Variants in ADGRB1 observed in about 807,000 individuals in gnomAD.
The protein encoded by ADGRB1 is brain-specific angiogenesis inhibitor 1.
A neutral mutation model predicts 175.7 loss-of-function variants in ADGRB1; 36 were observed. That is an observed-to-expected ratio of 0.20 (90% confidence interval 0.16 to 0.27). The LOEUF (loss-of-function observed/expected upper bound fraction) is 0.27. ADGRB1 is among the 10% of genes least tolerant of loss of function. The pLI is 1.00. For missense variants in ADGRB1, 1,731 were observed against 2,255.3 expected (o/e 0.77, Z 4.71); for synonymous variants, 1,054 against 979.4 (o/e 1.08, Z -1.42).
chr8:142,541,799 C>T (rs924149279), intron 27 of ADGRB1, 142 bp from the exon 28 acceptor site: 40 of 884,744 alleles, frequency 4.5e-5, no homozygotes, highest in South Asian at 8.8e-5. Flanking sequence ...GCCCTCCGAT[C>T]GGTACCCAGC....
chr8:142,463,010 G>A (rs1251912453), intron 1 of ADGRB1, among the ~76,000 whole-genome samples: 1 of 152,200 alleles, frequency 6.6e-6, no homozygotes, highest in East Asian at 1.9e-4. Context: ...TCTCCTGGTG[G>A]CACAAATTTA....
intron 2 of ADGRB1, among the ~76,000 whole-genome samples, chr8:142,469,394 T>C (rs939781836): frequency 6.7e-6 from 1 of 150,258 alleles, no homozygotes; most frequent in Non-Finnish European, 1.5e-5. Flanking sequence ...AGTGTGTATG[T>C]GCACATGCAG....
At chr8:142,498,962 C>G (rs1563714756) in intron 17 of ADGRB1, among the ~76,000 whole-genome samples, 2 of 152,172 alleles carry the variant, frequency 1.3e-5, no homozygotes, top group Non-Finnish European at 2.9e-5. Context: ...CCTCTCTCTC[C>G]CTCTCTTGGG....
rs1252662454 is a variant in ADGRB1 at position 142,474,561 on chromosome 8, C to T, written c.785-913C>T. Among the ~76,000 whole-genome samples the T allele has an allele frequency of 2.0e-5, 3 of 152,188 alleles. No homozygotes were observed. The highest frequency in any genetic ancestry group is 4.4e-5 in the Non-Finnish European group (3 of 68,030). On this transcript the variant is annotated intron_variant, in intron 2 of 30. Coordinates refer to ENST00000517894, the MANE Select transcript of ADGRB1 (RefSeq NM_001702.3). This position sits in a 1 kb window ranked among gnomAD's most constrained non-coding sequence, Gnocchi z 5.8. Reference sequence around the variant, plus strand: ...CTGGCCCACAGATGGCAGTGGCCCTCTCCTGCTTTGTGCTCCTCCATGGCT... The same window carrying T: ...CTGGCCCACAGATGGCAGTGGCCCTTTCCTGCTTTGTGCTCCTCCATGGCT...
chr8:142,518,477 TG>T (rs1253304986), intron 19 of ADGRB1, among the ~76,000 whole-genome samples: 1 of 152,134 alleles, frequency 6.6e-6, no homozygotes, highest in African/African-American at 2.4e-5. Flanking sequence ...ACACAGGGGG[TG>T]GGGCCTGGTT....
intron 2 of ADGRB1, among the ~76,000 whole-genome samples, chr8:142,469,976 T>C (rs1840561882): frequency 6.6e-6 from 1 of 152,192 alleles, no homozygotes; most frequent in Admixed American, 6.5e-5. Flanking sequence ...CATCCGTCCA[T>C]GTCCCTAGCA....
intron 18 of ADGRB1, among the ~76,000 whole-genome samples, chr8:142,517,013 C>T (rs2132086785): frequency 1.3e-5 from 2 of 152,274 alleles, no homozygotes; most frequent in Middle Eastern, 3.4e-3. Context: ...TGTGGCCGGC[C>T]CAGGCCCTTT....
intron 1 of ADGRB1, among the ~76,000 whole-genome samples, chr8:142,453,620 CACTA>C (rs1839490503): frequency 6.6e-6 from 1 of 152,174 alleles, no homozygotes; most frequent in African/African-American, 2.4e-5. Flanking sequence ...AAGTGGCACT[CACTA>C]GACGCGTGGG....
chr8:142,521,321 C>T (rs973589438), intron 20 of ADGRB1, among the ~76,000 whole-genome samples: 8 of 152,284 alleles, frequency 5.3e-5, no homozygotes, highest in South Asian at 4.1e-4. Context: ...CCCCTACGCT[C>T]GCCAGCCTTG....
rs576598554 is a variant in ADGRB1 at position 142,469,536 on chromosome 8, TGA to T, written c.784+4556_784+4557del. Among the ~76,000 whole-genome samples the T allele has an allele frequency of 1.8e-3, 257 of 142,846 alleles. 3 individuals are homozygous for T. The highest frequency in any genetic ancestry group is 6.1e-3 in the African/African-American group (241 of 39,338). The allele number at this position is 142,846 out of a possible 152,430, so 93.7% of individuals were successfully genotyped here. Reference sequence around the variant, plus strand: ...GTGTATGCACGTGCATGTGTGAATGTGAGTGTATGCACGTGCATGTGTGTGAA... The same window carrying T: ...GTGTATGCACGTGCATGTGTGAATGTGTGTATGCACGTGCATGTGTGTGAA... On this transcript the variant is annotated intron_variant, in intron 2 of 30. Coordinates refer to ENST00000517894, the MANE Select transcript of ADGRB1 (RefSeq NM_001702.3).
chr8:142,463,968 T>C lies in ADGRB1; in HGVS notation c.-219-12T>C. The C allele has an allele frequency of 2.8e-6, 1 of 361,082 alleles. No homozygotes were observed. The highest frequency in any genetic ancestry group is 4.9e-6 in the Non-Finnish European group (1 of 205,302). 22.4% of individuals were successfully genotyped at this position (361,082 alleles called of 1,614,324 possible). On this transcript the variant is annotated splice_polypyrimidine_tract_variant and intron_variant, in intron 1 of 30. Coordinates refer to ENST00000517894, the MANE Select transcript of ADGRB1 (RefSeq NM_001702.3). ...AAGTGCTCACTCTGACCCTCTGCTC[T>C]TTCTCTTCCAGCTGCTGCTGGTGGC... is the stretch of plus-strand genomic sequence containing the variant.
In ADGRB1 at chr8:142,543,235, T is replaced by A. The variant is rs1845386932; in HGVS notation, c.4414-168T>A. ...TGCTCGCTGGCACCCAGCGCATAGC[T>A]GGAGGAGCTGCCTCAGTGCGCCCCC... On this transcript the variant is annotated intron_variant, in intron 28 of 30. Transcript: ENST00000517894. This position sits in a 1 kb window ranked among gnomAD's most constrained non-coding sequence, Gnocchi z 4.4. Among the ~76,000 whole-genome samples the A allele has an allele frequency of 6.6e-6, 1 of 152,142 alleles. No individual in the cohort carries two copies. Among genetic ancestry groups the A allele is most frequent in the Non-Finnish European group, 1.5e-5 (1 of 68,012 alleles).
chr8:142,520,399 A>ATGGTGGTGATGGTTG (rs1563735871), intron 19 of ADGRB1, among the ~76,000 whole-genome samples: 1 of 2,824 alleles, frequency 3.5e-4, no homozygotes, highest in African/African-American at 1.3e-3. Context: ...AGTGATTGTG[A>ATGGTGGTGATGGTTG]TGTTGGTAAT....
rs768427452 is a variant in ADGRB1 at position 142,542,270 on chromosome 8, G to A, written c.4036G>A (p.Val1346Met). The A allele has an allele frequency of 5.0e-6, 8 of 1,613,476 alleles. No individual in the cohort carries two copies. Among genetic ancestry groups the A allele is most frequent in the Non-Finnish European group, 5.9e-6 (7 of 1,179,836 alleles). The change falls in exon 28 of 31, where the codon GTG (valine) becomes ATG (methionine). Residue 1346 changes from valine to methionine, a missense_variant. Around this residue, in one of 8 missense-constraint regions of ADGRB1, gnomAD observed 394 missense variants for 410.2 expected, o/e 0.96. Coordinates refer to ENST00000517894, the MANE Select transcript of ADGRB1 (RefSeq NM_001702.3). The surrounding 1 kb of genome is among the most constrained non-coding windows in gnomAD (Gnocchi z 6.3). ...AQEKALDTSY[V>M]ILPTATATLR... ...GGAGAAGGCTCTGGACACGAGCTAC[G>A]TGATCCTGCCCACGGCCACGGCCAC...
intron 1 of ADGRB1, among the ~76,000 whole-genome samples, chr8:142,451,053 C>A (rs1039939702): frequency 3.9e-5 from 6 of 152,202 alleles, no homozygotes; most frequent in African/African-American, 1.4e-4. Flanking sequence ...ACGGCCCCCG[C>A]CCCCTCCTGG....
At chr8:142,471,405 G>C (rs1840653818) in intron 2 of ADGRB1, among the ~76,000 whole-genome samples, 1 of 152,200 alleles carries the variant, frequency 6.6e-6, no homozygotes, top group African/African-American at 2.4e-5. Flanking sequence ...AGACAACCGG[G>C]GTCGGGGCCC....
chr8:142,464,942 C>T lies in ADGRB1; in HGVS notation c.744C>T (p.Leu248=). The T allele has an allele frequency of 6.5e-7, 1 of 1,529,230 alleles. No individual in the cohort carries two copies. The highest frequency in any genetic ancestry group is 1.4e-5 in the African/African-American group (1 of 72,054). 94.7% of individuals were successfully genotyped at this position (1,529,230 alleles called of 1,614,324 possible). A position where few individuals can be genotyped will look rare whatever the true frequency, so the allele number is the denominator to read the frequency against. ...TGGCTGGTGGCCCTGAAAACTGCCT[C>T]ACCAGCCTGACCCAGGACCGGGGCG... ...DAVAGGPENC[L]TSLTQDRGGH... Residue 248 remains leucine, a synonymous_variant, in exon 2 of 31, where the codon CTC becomes CTT. Transcript: ENST00000517894.
chr8:142,525,590 A>G (rs1844127353), intron 23 of ADGRB1, among the ~76,000 whole-genome samples: 1 of 152,170 alleles, frequency 6.6e-6, no homozygotes, highest in African/African-American at 2.4e-5. Flanking sequence ...AGGCTGGCCA[A>G]GGCTGTGATG....
In ADGRB1 at chr8:142,478,300, G is replaced by A. The variant is rs1432835346; in HGVS notation, c.1501G>A (p.Gly501Ser). The change falls in exon 7 of 31, where the codon GGT (glycine) becomes AGT (serine). Residue 501 changes from glycine (G) to serine (S), a missense_variant. This residue lies in a region of ADGRB1 where 388 missense variants were observed against 630.9 expected (regional missense o/e 0.61). Coordinates refer to ENST00000517894, the MANE Select transcript of ADGRB1 (RefSeq NM_001702.3). ...TGAATGCAACGGGCCTTCCTACGGGGGTGCGGAGTGCCAGGGCCACTGGGT... is the reference window on the plus strand; with the variant it reads ...TGAATGCAACGGGCCTTCCTACGGGAGTGCGGAGTGCCAGGGCCACTGGGT... ...TRECNGPSYGGAECQGHWVET... is the reference protein window; with the variant it reads ...TRECNGPSYGSAECQGHWVET... The A allele has an allele frequency of 6.2e-7, 1 of 1,610,534 alleles. No homozygotes were observed. The highest frequency in any genetic ancestry group is 8.5e-7 in the Non-Finnish European group (1 of 1,179,038).
Sources: allele counts gnomAD v4.1 joint callset (sites outside exome capture counted in the v4.1 genomes callset), GRCh38; gene constraint gnomAD v4.1.1; regional missense constraint gnomAD v4.1.1; non-coding constraint Gnocchi (gnomAD v3.1); transcripts MANE v1.5; gene names NCBI Gene and HGNC (gene_info 2026-07-23, HGNC 2026-07-21).